Variants in TRAF3IP2 observed in about 807,000 individuals in gnomAD.
The protein encoded by TRAF3IP2 is TRAF3 interacting protein 2, also known as E3 ubiquitin ligase TRAF3IP2.
A neutral mutation model predicts 57.9 loss-of-function variants in TRAF3IP2; 35 were observed. That is an observed-to-expected ratio of 0.60 (90% CI 0.46 to 0.80). TRAF3IP2 has a LOEUF of 0.80. TRAF3IP2 is among the 30% of genes least tolerant of loss of function. The pLI, the probability that TRAF3IP2 is intolerant of heterozygous loss-of-function variation, is 0.00. For missense variants in TRAF3IP2, 556 were observed against 706.4 expected (o/e 0.79, Z 2.41); for synonymous variants, 251 against 268.9 (o/e 0.93, Z 0.65).
chr6:111,600,146 G>C (rs987417762), intron 1 of TRAF3IP2: 1 of 152,164 alleles, frequency 6.6e-6, no homozygotes, highest in African/African-American at 2.4e-5. Context: ...CACATATCAA[G>C]CTCTTAAAAA....
chr6:111,586,010 A>G lies in TRAF3IP2; in HGVS notation c.829+5248T>C, dbSNP rs566462464. Among the ~76,000 whole-genome samples, 803 of 152,312 alleles carry G rather than the reference A, an allele frequency of 5.3e-3. 7 individuals carry two copies. The highest frequency in any genetic ancestry group is 0.018 in the African/African-American group (738 of 41,554). ...ATTTTTCTTCCTTATTAAGAATTAAAAGAGTTTATGAGAGAGAAATAAAAT... is the reference window on the plus strand; with the variant it reads ...ATTTTTCTTCCTTATTAAGAATTAAGAGAGTTTATGAGAGAGAAATAAAAT... On this transcript the variant is annotated intron_variant, in intron 2 of 8. Transcript: ENST00000368761.
At chr6:111,585,720 G>T (rs888649925) in intron 2 of TRAF3IP2, among the ~76,000 whole-genome samples, 1 of 152,212 alleles carries the variant, frequency 6.6e-6, no homozygotes, top group African/African-American at 2.4e-5. Context: ...AGTTAATTCT[G>T]TAGGAGAGGG....
intron 1 of TRAF3IP2, among the ~76,000 whole-genome samples, chr6:111,603,462 A>C (rs1796935309): frequency 1.3e-5 from 2 of 152,218 alleles, no homozygotes; most frequent in Non-Finnish European, 2.9e-5. Flanking sequence ...TTTTTTCTGC[A>C]GCAGTTGCCT....
intron 8 of TRAF3IP2, among the ~76,000 whole-genome samples, chr6:111,561,314 C>T (rs1193810158): frequency 6.6e-6 from 1 of 152,026 alleles, no homozygotes; most frequent in Non-Finnish European, 1.5e-5. Flanking sequence ...GTAGCACATG[C>T]CTGTAGTCCC....
At chr6:111,577,588 G>A (rs1050394824) in intron 3 of TRAF3IP2, among the ~76,000 whole-genome samples, 3 of 151,736 alleles carry the variant, frequency 2.0e-5, no homozygotes, top group Non-Finnish European at 4.4e-5. Context: ...ATGGGATTTC[G>A]CCATGTTGCC....
chr6:111,582,355 C>A (rs550765574), intron 2 of TRAF3IP2, among the ~76,000 whole-genome samples: 4 of 152,230 alleles, frequency 2.6e-5, no homozygotes, highest in South Asian at 2.1e-4. Flanking sequence ...ATTGCTTAGG[C>A]CTGGTCATGA....
chr6:111,566,455 T>C lies in TRAF3IP2; in HGVS notation c.1465A>G (p.Ile489Val). 2 of 1,613,780 alleles carry C rather than the reference T, an allele frequency of 1.2e-6. No homozygotes were observed. Among genetic ancestry groups the C allele is most frequent in the Non-Finnish European group, 1.7e-6 (2 of 1,179,676 alleles). Residue 489 changes from isoleucine to valine, a missense_variant, in exon 7 of 9, where the codon ATT (isoleucine) becomes GTT (valine). This residue lies in a region of TRAF3IP2 where 128 missense variants were observed against 207.7 expected (regional missense o/e 0.62). Coordinates refer to ENST00000368761, the MANE Select transcript of TRAF3IP2 (RefSeq NM_147686.4). ...EDEHGLHTKY[I>V]HRMMQIEFIK... ...CCCTCCCCACTCACCATTCGATGAA[T>C]GTACTTAGTATGTAAGCCATGCTCA...
intron 1 of TRAF3IP2, chr6:111,602,099 T>G (rs1796885219): frequency 6.6e-6 from 1 of 152,256 alleles, no homozygotes; most frequent in Admixed American, 6.5e-5. Flanking sequence ...AGGGAATATT[T>G]ACTGGCCCTT....
chr6:111,589,194 G>A (rs542238031), intron 2 of TRAF3IP2, among the ~76,000 whole-genome samples: 38 of 150,164 alleles, frequency 2.5e-4, no homozygotes, highest in Admixed American at 4.7e-4. Flanking sequence ...CCGAGTAGCT[G>A]GGATTACAGG....
chr6:111,589,723 A>T (rs969195701), intron 2 of TRAF3IP2, among the ~76,000 whole-genome samples: 2 of 152,014 alleles, frequency 1.3e-5, no homozygotes, highest in Non-Finnish European at 2.9e-5. Flanking sequence ...TCTCACACTC[A>T]TTCTTACCTA....
Position 111,557,424 on chromosome 6 carries a change from G to GTTTTTTTT in TRAF3IP2, c.*1973_*1980dup, listed in dbSNP as rs397888583. 2.1e-5 allele frequency: 2 copies of GTTTTTTTT among 97,354 alleles called. No homozygotes were observed. Among genetic ancestry groups the GTTTTTTTT allele is most frequent in the Non-Finnish European group, 3.8e-5 (2 of 53,062 alleles). 6.0% of individuals were successfully genotyped at this position (97,354 alleles called of 1,614,324 possible). A position where few individuals can be genotyped will look rare whatever the true frequency, so the allele number is the denominator to read the frequency against. On this transcript the variant is annotated 3_prime_UTR_variant, in exon 9 of 9. Coordinates refer to ENST00000368761, the MANE Select transcript of TRAF3IP2 (RefSeq NM_147686.4). ...TTATCAACCTGAGGGTATTGTTGAAGTTTTTTTTTTTTTTTTTTTTTTTGA... is the reference window on the plus strand; with the variant it reads ...TTATCAACCTGAGGGTATTGTTGAAGTTTTTTTTTTTTTTTTTTTTTTTTTTTTTTTGA...
At chr6:111,567,995 C>T (rs1214238031) in intron 5 of TRAF3IP2, among the ~76,000 whole-genome samples, 2 of 152,080 alleles carry the variant, frequency 1.3e-5, no homozygotes, top group Non-Finnish European at 2.9e-5. Context: ...CACGGTATAC[C>T]ACTAAGTTGG....
rs1795221681 is a variant in TRAF3IP2, at chr6:111,555,873, G to T, written c.*3532C>A. On this transcript the variant is annotated 3_prime_UTR_variant, in exon 9 of 9. Coordinates refer to ENST00000368761, the MANE Select transcript of TRAF3IP2 (RefSeq NM_147686.4). The stretch of plus-strand genomic sequence containing the variant: ...AATCCCAGCAATTTGGGAGGCCGAG[G>T]CGGATGGATCACGAGGTCAGGAGAT... Among the ~76,000 whole-genome samples the T allele has an allele frequency of 1.3e-5, 2 of 152,342 alleles. No homozygotes were observed. Among genetic ancestry groups the T allele is most frequent in the Middle Eastern group, 3.4e-3 (1 of 294 alleles).
At chr6:111,598,779 G>C (rs1796772754) in intron 1 of TRAF3IP2, among the ~76,000 whole-genome samples, 1 of 152,184 alleles carries the variant, frequency 6.6e-6, no homozygotes, top group South Asian at 2.1e-4. Context: ...AAAATGAAAA[G>C]GAAAGGCTCC....
chr6:111,567,605 G>A lies in TRAF3IP2; in HGVS notation c.1359+19C>T, dbSNP rs1242846839. On this transcript the variant is annotated intron_variant, in intron 6 of 8. Transcript: ENST00000368761. ...CTTTCTCACCAGAAAACAAACTCTGGTTTTTGGAATGTACTTACATCCCTA... is the reference window on the plus strand; with the variant it reads ...CTTTCTCACCAGAAAACAAACTCTGATTTTTGGAATGTACTTACATCCCTA... 1.9e-6 allele frequency: 3 copies of A among 1,594,210 alleles called. No individual in the cohort carries two copies. The East Asian group carries it at 6.8e-5, about 36-fold the overall frequency.
chr6:111,587,550 C>T lies in TRAF3IP2; in HGVS notation c.829+3708G>A, dbSNP rs184546662. Among the ~76,000 whole-genome samples, 727 of 152,120 alleles carry T rather than the reference C, an allele frequency of 4.8e-3. 7 individuals are homozygous for T. Among genetic ancestry groups the T allele is most frequent in the Non-Finnish European group, 5.5e-3 (375 of 67,970 alleles). ...GATTACAGGTGTGAGCCACTGCACCCGGCCGTTTGCTATTTTTAAAAATCA... is the reference window on the plus strand; with the variant it reads ...GATTACAGGTGTGAGCCACTGCACCTGGCCGTTTGCTATTTTTAAAAATCA... On this transcript the variant is annotated intron_variant, in intron 2 of 8. Transcript: ENST00000368761.
chr6:111,592,350 A>G (rs1796550435), intron 1 of TRAF3IP2, among the ~76,000 whole-genome samples: 1 of 152,386 alleles, frequency 6.6e-6, no homozygotes, highest in South Asian at 2.1e-4. Context: ...ATCATTCACC[A>G]GCAAGGGGAA....
intron 4 of TRAF3IP2, chr6:111,574,620 G>A (rs987619476): frequency 6.6e-6 from 1 of 152,202 alleles, no homozygotes; most frequent in African/African-American, 2.4e-5. Context: ...CATTCCTACA[G>A]GAAATGACCT....
At chr6:111,594,146 A>AAAAAC (rs1562435053) in intron 1 of TRAF3IP2, among the ~76,000 whole-genome samples, 1 of 151,354 alleles carries the variant, frequency 6.6e-6, no homozygotes, top group African/African-American at 2.4e-5. Flanking sequence ...AAAAAAAAAA[A>AAAAAC]TGCTCACCAT....
Sources: allele counts gnomAD v4.1 joint callset (sites outside exome capture counted in the v4.1 genomes callset), GRCh38; gene constraint gnomAD v4.1.1; regional missense constraint gnomAD v4.1.1; transcripts MANE v1.5; gene names NCBI Gene and HGNC (gene_info 2026-07-23, HGNC 2026-07-21).